ZC3H12B: variants seen among roughly 807,000 people sequenced by gnomAD.
The protein encoded by ZC3H12B is zinc finger CCCH-type containing 12B.
ZC3H12B carries 7 observed loss-of-function variants against 43.9 expected under a neutral mutation model. The ratio of observed to expected loss-of-function variants is 0.16; its 90% confidence interval spans 0.09 to 0.30. ZC3H12B has a LOEUF of 0.30. ZC3H12B is among the 10% of genes least tolerant of loss of function. The pLI is 1.00. For synonymous variants in ZC3H12B, 222 were observed against 241.7 expected (o/e 0.92, Z 0.76); for missense variants, 475 against 670.2 (o/e 0.71, Z 3.22).
chrX:65,250,975 C>T, the ZC3H12B span, among the ~76,000 whole-genome samples: 2 of 111,888 alleles, frequency 1.8e-5, no homozygotes, highest in Non-Finnish European at 3.8e-5. Context: ...GCTTTTGTTG[C>T]CATTGCTTTT....
At chrX:65,174,735 A>G in the ZC3H12B span, among the ~76,000 whole-genome samples, 11 of 111,439 alleles carry the variant, frequency 9.9e-5, no homozygotes, top group South Asian at 7.5e-4. Context: ...ACCAAGCTCA[A>G]TTGTTCCAAG....
At chrX:65,156,694 T>C in the ZC3H12B span, among the ~76,000 whole-genome samples, 1 of 110,687 alleles carries the variant, frequency 9.0e-6, no homozygotes, top group Non-Finnish European at 1.9e-5. Context: ...TTTTAAACTT[T>C]TTGTAGAGAC....
the ZC3H12B span, among the ~76,000 whole-genome samples, chrX:65,148,086 G>A: frequency 4.5e-5 from 5 of 111,044 alleles, no homozygotes; most frequent in Non-Finnish European, 9.4e-5. Flanking sequence ...GGCTACAGGG[G>A]CCAGCCTGGA....
intron 2 of ZC3H12B, among the ~76,000 whole-genome samples, chrX:65,378,691 G>A (rs1231072323): frequency 2.7e-5 from 3 of 112,321 alleles, no homozygotes; most frequent in Non-Finnish European, 5.6e-5. Context: ...CTCCATCTGA[G>A]GTACCAGGTT....
intron 3 of ZC3H12B, among the ~76,000 whole-genome samples, chrX:65,464,541 T>G (rs2148183587): frequency 9.0e-6 from 1 of 111,227 alleles, no homozygotes; most frequent in East Asian, 2.8e-4. Context: ...AGCCAAGGTT[T>G]GTCAATTTTA....
the ZC3H12B span, among the ~76,000 whole-genome samples, chrX:65,285,249 AG>A: frequency 3.7e-4 from 41 of 109,980 alleles, no homozygotes; most frequent in African/African-American, 1.3e-3. Context: ...CCTAATGTAT[AG>A]TATTTTATCC....
the ZC3H12B span, among the ~76,000 whole-genome samples, chrX:65,069,819 C>T: frequency 1.1e-4 from 12 of 111,775 alleles, no homozygotes; most frequent in African/African-American, 2.9e-4. Context: ...ATGATGGATT[C>T]GCTTTTTGAT....
At chrX:65,093,026 C>T in the ZC3H12B span, among the ~76,000 whole-genome samples, 1 of 111,823 alleles carries the variant, frequency 8.9e-6, no homozygotes, top group Non-Finnish European at 1.9e-5. Context: ...CCCTGCACAG[C>T]TTTGGGACAC....
At chrX:65,457,156 C>T (rs1358015201) in intron 3 of ZC3H12B, among the ~76,000 whole-genome samples, 4 of 86,837 alleles carry the variant, frequency 4.6e-5, no homozygotes, top group African/African-American at 1.3e-4. Context: ...AGGTGAGGAG[C>T]GTCTCTGCCC....
the ZC3H12B span, among the ~76,000 whole-genome samples, chrX:65,093,230 T>G: frequency 2.9e-4 from 32 of 111,825 alleles, no homozygotes; most frequent in Non-Finnish European, 5.1e-4. Context: ...ATGGAAAAGC[T>G]TGGATGTCTA....
the ZC3H12B span, among the ~76,000 whole-genome samples, chrX:65,178,747 A>T: frequency 8.9e-6 from 1 of 112,299 alleles, no homozygotes; most frequent in Non-Finnish European, 1.9e-5. Flanking sequence ...TGATCATTAA[A>T]AAGTCAGGAA....
chrX:65,286,150 A>G, the ZC3H12B span, among the ~76,000 whole-genome samples: 7 of 112,034 alleles, frequency 6.2e-5, no homozygotes, highest in African/African-American at 2.3e-4. Flanking sequence ...TAGCAAAGAC[A>G]TGGAATCAAC....
the ZC3H12B span, among the ~76,000 whole-genome samples, chrX:65,306,379 A>T: frequency 0.082 from 9,097 of 110,536 alleles, 1,028 homozygotes; most frequent in African/African-American, 0.29. Flanking sequence ...TTTATGTATT[A>T]TTTTTTTCTT....
chrX:65,314,568 T>G, the ZC3H12B span, among the ~76,000 whole-genome samples: 9 of 112,211 alleles, frequency 8.0e-5, no homozygotes, highest in Non-Finnish European at 1.5e-4. Flanking sequence ...TCTTCAGGAA[T>G]GAAAGTGAAA....
the ZC3H12B span, among the ~76,000 whole-genome samples, chrX:65,150,352 A>T: frequency 9.0e-6 from 1 of 110,987 alleles, no homozygotes; most frequent in Non-Finnish European, 1.9e-5. Context: ...GCTGAGACAA[A>T]GACTGAATAT....
chrX:65,158,792 C>T, the ZC3H12B span, among the ~76,000 whole-genome samples: 2 of 111,824 alleles, frequency 1.8e-5, no homozygotes, highest in East Asian at 2.8e-4. Context: ...TCCCATTTGT[C>T]AATTTTGGCT....
At chrX:65,265,355 C>T in the ZC3H12B span, among the ~76,000 whole-genome samples, 1,293 of 111,694 alleles carry the variant, frequency 0.012, 49 homozygotes, top group Admixed American at 0.1. Flanking sequence ...TGTGCATGGT[C>T]CACCAAAAGA....
At chrX:65,256,479 C>A in the ZC3H12B span, among the ~76,000 whole-genome samples, 2 of 112,035 alleles carry the variant, frequency 1.8e-5, no homozygotes, top group Non-Finnish European at 3.8e-5. Flanking sequence ...ATAAGAAATT[C>A]TTTGAAACTA....
At chrX:65,225,121 C>T in the ZC3H12B span, among the ~76,000 whole-genome samples, 1 of 111,650 alleles carries the variant, frequency 9.0e-6, no homozygotes, top group Non-Finnish European at 1.9e-5. Flanking sequence ...CTGGGAGGCA[C>T]CCCCCAGTAG....
Sources: allele counts gnomAD v4.1 joint callset (sites outside exome capture counted in the v4.1 genomes callset), GRCh38; gene constraint gnomAD v4.1.1; transcripts MANE v1.5; gene names NCBI Gene and HGNC (gene_info 2026-07-23, HGNC 2026-07-21).